MAF: variants seen among roughly 807,000 people sequenced by gnomAD.
MAF encodes the protein MAF bZIP transcription factor.
In MAF, 10 loss-of-function variants were observed where a neutral mutation model predicts 22.0. That is an observed-to-expected ratio of 0.45 (90% CI 0.28 to 0.77). MAF has a LOEUF of 0.77. MAF is among the 30% of genes least tolerant of loss of function. The pLI is 0.12. For synonymous variants in MAF, 337 were observed against 255.8 expected (o/e 1.32, Z -3.03); for missense variants, 544 against 548.4 (o/e 0.99, Z 0.08).
the MAF span, among the ~76,000 whole-genome samples, chr16:79,219,877 C>T: frequency 6.6e-6 from 1 of 152,122 alleles, no homozygotes; most frequent in Non-Finnish European, 1.5e-5. Flanking sequence ...TATATCCTTT[C>T]AATATGATTT....
At chr16:79,215,534 C>T in the MAF span, among the ~76,000 whole-genome samples, 1 of 152,162 alleles carries the variant, frequency 6.6e-6, no homozygotes, top group Non-Finnish European at 1.5e-5. Flanking sequence ...AGAGGACATG[C>T]TGGCCTCCTG....
chr16:79,361,569 C>A, the MAF span, among the ~76,000 whole-genome samples: 1 of 152,192 alleles, frequency 6.6e-6, no homozygotes, highest in Non-Finnish European at 1.5e-5. Context: ...GAACATTACA[C>A]CTCTCTAAAA....
At chr16:79,304,062 G>A in the MAF span, among the ~76,000 whole-genome samples, 1 of 152,324 alleles carries the variant, frequency 6.6e-6, no homozygotes, top group South Asian at 2.1e-4. Flanking sequence ...ATATGGGTGG[G>A]AACCTTGTGG....
intron 1 of MAF, chr16:79,597,397 G>A: frequency 9.7e-7 from 1 of 1,032,374 alleles, no homozygotes; most frequent in Non-Finnish European, 1.2e-6. Context: ...AAAATAATGG[G>A]GCAGTTTCTC....
the MAF span, among the ~76,000 whole-genome samples, chr16:79,332,878 AG>A: frequency 6.6e-6 from 1 of 152,184 alleles, no homozygotes; most frequent in Non-Finnish European, 1.5e-5. Context: ...AGTTTGCCCA[AG>A]GTCACCTGCC....
At chr16:79,558,381 T>C in the MAF span, among the ~76,000 whole-genome samples, 5 of 152,216 alleles carry the variant, frequency 3.3e-5, no homozygotes, top group African/African-American at 1.2e-4. Context: ...AGAAATATCA[T>C]GGCTTAAAGT....
chr16:79,544,046 G>C, the MAF span, among the ~76,000 whole-genome samples: 1 of 152,202 alleles, frequency 6.6e-6, no homozygotes, highest in Admixed American at 6.5e-5. Context: ...CCCCATCTTT[G>C]AATGCTAGAC....
chr16:79,360,525 G>A, the MAF span, among the ~76,000 whole-genome samples: 2 of 152,172 alleles, frequency 1.3e-5, no homozygotes, highest in African/African-American at 4.8e-5. Context: ...TGTTAGGATT[G>A]TTGGGAGACA....
At chr16:79,508,123 C>T in the MAF span, among the ~76,000 whole-genome samples, 12 of 152,226 alleles carry the variant, frequency 7.9e-5, 1 homozygote, top group South Asian at 4.1e-4. Flanking sequence ...GGGAGCAACC[C>T]TTGGAAGGAG....
intron 1 of MAF, chr16:79,585,974 G>C: frequency 1.5e-6 from 1 of 665,090 alleles, no homozygotes. Flanking sequence ...ATAAACAAAG[G>C]GTAATTAATA....
chr16:79,583,377 C>T (rs1912644414), downstream of MAF, among the ~76,000 whole-genome samples: 1 of 152,114 alleles, frequency 6.6e-6, no homozygotes, highest in Non-Finnish European at 1.5e-5. Flanking sequence ...AAAAAAATAT[C>T]GATGGGTACT....
At chr16:79,354,356 G>A in the MAF span, among the ~76,000 whole-genome samples, 1 of 152,150 alleles carries the variant, frequency 6.6e-6, no homozygotes, top group African/African-American at 2.4e-5. Context: ...ACGAGATGGT[G>A]AGGAGCAAAT....
chr16:79,558,468 C>T, the MAF span, among the ~76,000 whole-genome samples: 2 of 152,138 alleles, frequency 1.3e-5, no homozygotes, highest in African/African-American at 4.8e-5. Context: ...CCTCTACTTC[C>T]TGGAGCTAAA....
the MAF span, chr16:79,516,262 T>C: frequency 6.6e-6 from 1 of 152,188 alleles, no homozygotes; most frequent in East Asian, 1.9e-4. Context: ...TGTTACTGAA[T>C]GAATAAATTC....
At chr16:79,423,132 G>A in the MAF span, among the ~76,000 whole-genome samples, 9 of 152,306 alleles carry the variant, frequency 5.9e-5, no homozygotes, top group Middle Eastern at 3.4e-3. Flanking sequence ...TAACGTGCAC[G>A]TGAGCAACAT....
chr16:79,383,528 T>G, the MAF span, among the ~76,000 whole-genome samples: 2 of 152,196 alleles, frequency 1.3e-5, no homozygotes, highest in Non-Finnish European at 2.9e-5. Context: ...ATCCATTATC[T>G]CAAGAAAATG....
At chr16:79,558,088 C>A in the MAF span, among the ~76,000 whole-genome samples, 1 of 150,734 alleles carries the variant, frequency 6.6e-6, no homozygotes, top group Non-Finnish European at 1.5e-5. Context: ...CTGAATTGAG[C>A]AAACCAACAG....
At chr16:79,555,890 T>C in the MAF span, among the ~76,000 whole-genome samples, 2 of 152,324 alleles carry the variant, frequency 1.3e-5, no homozygotes, top group South Asian at 2.1e-4. Context: ...AACCTGTTAA[T>C]GGTATTTCTA....
chr16:79,241,245 G>A, the MAF span, among the ~76,000 whole-genome samples: 9 of 152,146 alleles, frequency 5.9e-5, no homozygotes, highest in East Asian at 3.9e-4. Context: ...AAACTTCACC[G>A]AGCTAAAGGA....
Sources: allele counts gnomAD v4.1 joint callset (sites outside exome capture counted in the v4.1 genomes callset), GRCh38; gene constraint gnomAD v4.1.1; transcripts MANE v1.5; gene names NCBI Gene and HGNC (gene_info 2026-07-23, HGNC 2026-07-21).